FGD1: variants seen among roughly 807,000 people sequenced by gnomAD.
The protein encoded by FGD1 is FYVE, RhoGEF and PH domain containing 1.
Under a neutral mutation model 65.0 loss-of-function variants are expected in FGD1, and 12 were observed. The ratio of observed to expected loss-of-function variants is 0.18; its 90% CI spans 0.12 to 0.30. The LOEUF is 0.30. Ranked by LOEUF, FGD1 falls within the 10% of genes least tolerant of loss-of-function variation. The pLI is 1.00. For missense variants in FGD1, 542 were observed against 837.6 expected, an observed-to-expected ratio of 0.65 and a Z score of 4.36; for synonymous variants, 333 against 343.9, an observed-to-expected ratio of 0.97 and a Z score of 0.35.
At chrX:54,482,723 C>A (rs900799874) in intron 1 of FGD1, among the ~76,000 whole-genome samples, 1 of 111,216 alleles carries the variant, frequency 9.0e-6, no homozygotes, top group African/African-American at 3.3e-5. Flanking sequence ...CTGGGACAAA[C>A]ACAAGGAGGG....
At chrX:54,487,116 G>A (rs1016719047) in intron 1 of FGD1, among the ~76,000 whole-genome samples, 8 of 109,275 alleles carry the variant, frequency 7.3e-5, no homozygotes, top group Non-Finnish European at 1.3e-4. Context: ...AGTGATTCTC[G>A]TGCCTCAGCG....
chrX:54,489,533 TGAGA>T (rs1923367395), intron 1 of FGD1, among the ~76,000 whole-genome samples: 1 of 108,571 alleles, frequency 9.2e-6, no homozygotes, highest in Admixed American at 9.9e-5. Flanking sequence ...TGCAGTGAAC[TGAGA>T]TAGAGCCACT....
chrX:54,457,369 C>T (rs764154537), intron 8 of FGD1, among the ~76,000 whole-genome samples: 64 of 111,756 alleles, frequency 5.7e-4, no homozygotes, highest in Non-Finnish European at 1.1e-3. Flanking sequence ...TAGGAAAATA[C>T]ACATTCTATA....
At chrX:54,460,037 C>T (rs1158274047) in intron 8 of FGD1, among the ~76,000 whole-genome samples, 2 of 106,145 alleles carry the variant, frequency 1.9e-5, no homozygotes, top group African/African-American at 3.4e-5. Flanking sequence ...GAGGCCGAGG[C>T]GGGTGGATCA....
At chrX:54,454,645 T>TAA (rs59245505) in intron 12 of FGD1, among the ~76,000 whole-genome samples, 17,918 of 78,749 alleles carry the variant, frequency 0.23, 3,014 homozygotes, top group East Asian at 0.51. Context: ...GACTCTGTCT[T>TAA]AAAAAAAAAA....
At chrX:54,462,799 C>T (rs1287857167) in intron 8 of FGD1, among the ~76,000 whole-genome samples, 1 of 91,321 alleles carries the variant, frequency 1.1e-5, no homozygotes, top group Non-Finnish European at 2.1e-5. Context: ...GGGTCTTGCT[C>T]TGTCACCCAG....
rs191298135 is a variant in FGD1 at position 54,485,073 on chromosome X, C to G, written c.307+10053G>C. ...CTGCCAGCCATCTGCAATTTAGAAGCTTCTATTCTTTTAGTCTTGTCTGGG... is the reference window on the plus strand; with the variant it reads ...CTGCCAGCCATCTGCAATTTAGAAGGTTCTATTCTTTTAGTCTTGTCTGGG... On this transcript the variant is annotated intron_variant, in intron 1 of 17. Coordinates refer to ENST00000375135, the MANE Select transcript of FGD1 (RefSeq NM_004463.3). 2.8e-3 allele frequency among the ~76,000 whole-genome samples: 318 copies of G among 113,042 alleles called. 1 individual carries two copies. Among genetic ancestry groups the G allele is most frequent in the African/African-American group, 9.5e-3 (297 of 31,214 alleles).
chrX:54,491,471 T>C (rs1445760611), intron 1 of FGD1, among the ~76,000 whole-genome samples: 4 of 112,046 alleles, frequency 3.6e-5, no homozygotes, highest in Non-Finnish European at 7.5e-5. Context: ...TGGGAGTGAG[T>C]TGACAGAAGC....
chrX:54,475,958 G>A (rs777392376), intron 1 of FGD1, among the ~76,000 whole-genome samples: 1 of 111,616 alleles, frequency 9.0e-6, no homozygotes, highest in East Asian at 2.8e-4. Context: ...ACCAGCTACC[G>A]GGAGGCTGAG....
At chrX:54,492,860 A>G (rs756741481) in intron 1 of FGD1, among the ~76,000 whole-genome samples, 2 of 106,456 alleles carry the variant, frequency 1.9e-5, no homozygotes, top group East Asian at 6.1e-4. Context: ...TAGTTAGAAT[A>G]GGAGGCCAGG....
intron 16 of FGD1, 136 bp downstream of exon 16, chrX:54,448,670 C>T (rs1278798675): frequency 1.9e-5 from 11 of 569,123 alleles, no homozygotes; most frequent in African/African-American, 9.0e-5. Flanking sequence ...TCACTCTTGC[C>T]GTCATTTTAT....
chrX:54,458,192 A>G (rs1010038182), intron 8 of FGD1, among the ~76,000 whole-genome samples: 2 of 111,848 alleles, frequency 1.8e-5, no homozygotes, highest in African/African-American at 6.5e-5. Flanking sequence ...CCTCTGCTCA[A>G]ATCTGTCAAT....
chrX:54,471,434 G>C lies in FGD1; in HGVS notation c.361C>G (p.Gln121Glu). 1 of 1,211,600 alleles carries C rather than the reference G, an allele frequency of 8.3e-7. No homozygotes were observed. The highest frequency in any genetic ancestry group is 2.5e-4 in the Middle Eastern group (1 of 3,972). The part of the protein sequence containing the change: ...LVKSLSLDPG[Q>E]SLEPHPEGPQ... ...CCTTCTGGATGAGGCTCTAGGCTTTGGCCAGGGTCAAGGGACAAACTTTTA... is the reference window on the plus strand; with the variant it reads ...CCTTCTGGATGAGGCTCTAGGCTTTCGCCAGGGTCAAGGGACAAACTTTTA... Residue 121 changes from glutamine to glutamate, a missense_variant, in exon 2 of 18, where the codon CAA (glutamine) becomes GAA (glutamate). By Grantham distance (29) the Gln-to-Glu change is conservative (BLOSUM62 2). Transcript: ENST00000375135.
intron 1 of FGD1, among the ~76,000 whole-genome samples, chrX:54,490,664 G>A (rs771189897): frequency 9.0e-5 from 10 of 110,991 alleles, no homozygotes; most frequent in Non-Finnish European, 5.7e-5. Context: ...CAGGCGTTTC[G>A]AATTCAACTT....
intron 16 of FGD1, among the ~76,000 whole-genome samples, chrX:54,448,153 T>C (rs1180947836): frequency 9.0e-6 from 1 of 111,726 alleles, no homozygotes. Context: ...GGTCTACTTA[T>C]CCTACTTTGT....
intron 15 of FGD1, 30 bp downstream of exon 15, chrX:54,449,113 C>G (rs1191006830): frequency 8.3e-7 from 1 of 1,210,611 alleles, no homozygotes; most frequent in East Asian, 3.0e-5. Context: ...TGTCCCCTCC[C>G]TAGCTCTGCC....
rs761448209 is a variant in FGD1, at chrX:54,489,628, A to G, written c.307+5498T>C. On this transcript the variant is annotated intron_variant, in intron 1 of 17. Transcript: ENST00000375135. ...AATCATTAGAGAAATGCAAATCAAA[A>G]CCACAATGAGATACCATTTCACACC... is the stretch of plus-strand genomic sequence containing the variant. 1.1e-4 allele frequency among the ~76,000 whole-genome samples: 12 copies of G among 111,966 alleles called. No individual in the cohort carries two copies. The South Asian group carries it at 4.5e-3, about 42-fold the overall frequency.
rs968233163 is a variant in FGD1, at chrX:54,446,263, C to T, written c.2732G>A (p.Arg911His). 2 of 1,211,989 alleles carry T rather than the reference C, an allele frequency of 1.7e-6. No individual in the cohort carries two copies. The highest frequency in any genetic ancestry group is 2.2e-6 in the Non-Finnish European group (2 of 895,516). Residue 911 changes from arginine (R) to histidine (H), a missense_variant, in exon 18 of 18, where the codon CGC becomes CAC. By Grantham distance (29) the Arg-to-His change is conservative (BLOSUM62 0). Transcript: ENST00000375135. ...CGCCCGGCCAAGCACAGCCATCCAG[C>T]GTCGCTGTAGTTCCTCTGTCTCAGG... ...FSPETEELQR[R>H]WMAVLGRAGR... is the part of the protein sequence containing the mutation.
chrX:54,495,169 G>A lies in FGD1; in HGVS notation c.264C>T (p.Ala88=), dbSNP rs1404363665. Residue 88 remains alanine (A), a synonymous_variant, in exon 1 of 18, where the codon GCC becomes GCT. Transcript: ENST00000375135. ...PCGPSPQHHR[A]LRFSYHLEGS... ...CCTCCAGGTGGTAAGAGAAGCGCAGGGCCCGGTGGTGCTGTGGACTGGGAC... is the reference window on the plus strand; with the variant it reads ...CCTCCAGGTGGTAAGAGAAGCGCAGAGCCCGGTGGTGCTGTGGACTGGGAC... The A allele has an allele frequency of 1.7e-6, 2 of 1,188,196 alleles. No homozygotes were observed. The highest frequency in any genetic ancestry group is 3.7e-5 in the South Asian group (2 of 54,101).
Sources: gnomAD v4.1 joint callset for allele counts (sites outside exome capture counted in the v4.1 genomes callset) on GRCh38, gnomAD v4.1.1 for gene constraint, MANE v1.5 for transcripts, NCBI Gene and HGNC (gene_info 2026-07-23, HGNC 2026-07-21) for gene names.